The following ARHGEF28 variants were observed in gnomAD, a reference collection of about 807,000 sequenced individuals.
ARHGEF28 encodes the protein Rho guanine nucleotide exchange factor 28, also known as 190 kDa guanine nucleotide exchange factor.
A neutral mutation model predicts 206.6 loss-of-function variants in ARHGEF28; 152 were observed. That is an observed-to-expected ratio of 0.74 (90% CI 0.64 to 0.84). The LOEUF (loss-of-function observed/expected upper bound fraction) is 0.84. Among genes scored for constraint, ARHGEF28 ranks in the 40% least tolerant of loss-of-function variants. The pLI is 0.00. For missense variants in ARHGEF28, 2,028 were observed against 2,073.2 expected, an observed-to-expected ratio of 0.98 and a Z score of 0.42; for synonymous variants, 763 against 776.4, an observed-to-expected ratio of 0.98 and a Z score of 0.29.
At chr5:73,902,327 A>C (rs1762315463) in intron 31 of ARHGEF28, 1 of 152,132 alleles carries the variant, frequency 6.6e-6, no homozygotes, top group South Asian at 2.1e-4. Context: ...TTAAGTGTGA[A>C]GTTTGTGGTG....
Position 73,858,242 on chromosome 5 carries a change from G to T in ARHGEF28, c.2047+23G>T, listed in dbSNP as rs141273307. ...CTAGTAAGTTCTCAGGTCTATGTGC[G>T]CTGTCTTTGTTTTCATCTCCTGACA... On this transcript the variant is annotated intron_variant, in intron 16 of 35. Transcript: ENST00000513042. 596 of 1,546,476 alleles carry T rather than the reference G, an allele frequency of 3.9e-4. 1 individual carries two copies. The African/African-American group carries it at 6.8e-3, about 18-fold the overall frequency.
intron 35 of ARHGEF28, among the ~76,000 whole-genome samples, chr5:73,937,815 A>C (rs556723402): frequency 6.6e-6 from 1 of 152,290 alleles, no homozygotes; most frequent in East Asian, 1.9e-4. Context: ...TAGGGTAAAA[A>C]GTGTGGAAAA....
chr5:73,729,109 G>A (rs765980670), intron 2 of ARHGEF28, among the ~76,000 whole-genome samples: 55 of 152,144 alleles, frequency 3.6e-4, no homozygotes, highest in Non-Finnish European at 5.7e-4. Context: ...TAGCTGCATC[G>A]CTGTGAGGAC....
At chr5:73,772,663 C>T (rs1753292836) in intron 4 of ARHGEF28, among the ~76,000 whole-genome samples, 1 of 152,172 alleles carries the variant, frequency 6.6e-6, no homozygotes, top group Non-Finnish European at 1.5e-5. Flanking sequence ...AAGGCATTAG[C>T]CACCACGCCT....
chr5:73,691,376 G>T (rs1747819119), intron 2 of ARHGEF28, among the ~76,000 whole-genome samples: 1 of 151,886 alleles, frequency 6.6e-6, no homozygotes, highest in South Asian at 2.1e-4. Context: ...TAATGGACAG[G>T]ACCCCATTTC....
chr5:73,928,803 A>C (rs1324628529), intron 35 of ARHGEF28, among the ~76,000 whole-genome samples: 1 of 152,232 alleles, frequency 6.6e-6, no homozygotes, highest in Non-Finnish European at 1.5e-5. Flanking sequence ...TTGCCAAGGT[A>C]CTTAGAAGTC....
intron 34 of ARHGEF28, 43 bp downstream of exon 34, chr5:73,909,940 A>G (rs752279589): frequency 2.0e-6 from 3 of 1,475,384 alleles, no homozygotes; most frequent in East Asian, 2.4e-5. Context: ...TCTCAAAGAC[A>G]GGGGTGGGCC....
At chr5:73,677,512 T>G (rs1156284818) in intron 1 of ARHGEF28, among the ~76,000 whole-genome samples, 1 of 152,242 alleles carries the variant, frequency 6.6e-6, no homozygotes, top group East Asian at 1.9e-4. Flanking sequence ...TGTGAAAAAT[T>G]CAGAATTTCA....
rs76975773 is a variant in ARHGEF28, at chr5:73,863,930, G to A, written c.2048-887G>A. Reference sequence around the variant, plus strand: ...TGCAGCCTGAGGACAGTTGTAGGGCGCAGCTTCCTGCCCAGTTCTTGTTGG... The same window carrying A: ...TGCAGCCTGAGGACAGTTGTAGGGCACAGCTTCCTGCCCAGTTCTTGTTGG... On this transcript the variant is annotated intron_variant, in intron 16 of 35. Transcript: ENST00000513042. Among the ~76,000 whole-genome samples, 10 of 152,166 alleles carry A rather than the reference G, an allele frequency of 6.6e-5. No homozygotes were observed. In the East Asian group the frequency reaches 7.7e-4, roughly 12 times the overall value.
intron 9 of ARHGEF28, among the ~76,000 whole-genome samples, chr5:73,829,216 T>C (rs1757134221): frequency 6.6e-6 from 1 of 152,202 alleles, no homozygotes; most frequent in Admixed American, 6.5e-5. Flanking sequence ...AATCATAGAG[T>C]CATGCAGGTA....
chr5:73,893,399 G>C, intron 28 of ARHGEF28, 111 bp downstream of exon 28: 2 of 750,120 alleles, frequency 2.7e-6, no homozygotes, highest in Middle Eastern at 2.6e-4. Flanking sequence ...CTGTGCACCT[G>C]AGGCCCACCT....
intron 10 of ARHGEF28, among the ~76,000 whole-genome samples, chr5:73,837,399 A>T (rs550601981): frequency 2.0e-5 from 3 of 152,088 alleles, no homozygotes; most frequent in Non-Finnish European, 4.4e-5. Context: ...TATAGTTTTC[A>T]GTGCATATAT....
chr5:73,790,332 T>G (rs1754404547), intron 7 of ARHGEF28, among the ~76,000 whole-genome samples: 1 of 151,964 alleles, frequency 6.6e-6, no homozygotes, highest in Non-Finnish European at 1.5e-5. Flanking sequence ...TACTTTTGTC[T>G]TTAAAAAAAG....
intron 1 of ARHGEF28, among the ~76,000 whole-genome samples, chr5:73,667,541 G>T (rs1441647514): frequency 6.6e-6 from 1 of 152,138 alleles, no homozygotes; most frequent in East Asian, 1.9e-4. Flanking sequence ...TGCCATCAGG[G>T]TCATTCTCCC....
At chr5:73,732,480 T>G (rs1028815551) in intron 2 of ARHGEF28, among the ~76,000 whole-genome samples, 5 of 152,218 alleles carry the variant, frequency 3.3e-5, no homozygotes, top group African/African-American at 1.2e-4. Flanking sequence ...ATTTGCCTAC[T>G]GAAAGACATC....
intron 9 of ARHGEF28, among the ~76,000 whole-genome samples, chr5:73,808,108 T>C (rs1312692670): frequency 1.3e-5 from 2 of 152,196 alleles, no homozygotes; most frequent in Non-Finnish European, 2.9e-5. Context: ...AATTCAAACA[T>C]TTTGTTTTAA....
chr5:73,768,256 G>A (rs1012823495), intron 4 of ARHGEF28, among the ~76,000 whole-genome samples: 5 of 151,992 alleles, frequency 3.3e-5, no homozygotes, highest in Non-Finnish European at 7.3e-5. Flanking sequence ...GTGGAGCTGT[G>A]AGAAGAGGGC....
At chr5:73,867,075 T>G (rs983282998) in intron 18 of ARHGEF28, among the ~76,000 whole-genome samples, 5 of 152,196 alleles carry the variant, frequency 3.3e-5, no homozygotes, top group Non-Finnish European at 7.3e-5. Flanking sequence ...CTCATTTTCA[T>G]AGGGTTAAAT....
Position 73,882,585 on chromosome 5 carries a change from T to C in ARHGEF28, c.2928T>C (p.Asn976=), listed in dbSNP as rs1232369977. The change falls in exon 23 of 36, where the codon AAT becomes AAC. Residue 976 remains asparagine, a synonymous_variant. Transcript: ENST00000513042. ...KELQQNKKFQ[N]FIKLRNSNLL... Reference sequence around the variant, plus strand: ...TCCAGCAGAATAAAAAGTTTCAGAATTTTATTAAGGCAAGTATTTTAAAAC... The same window carrying C: ...TCCAGCAGAATAAAAAGTTTCAGAACTTTATTAAGGCAAGTATTTTAAAAC... 2 of 1,491,394 alleles carry C rather than the reference T, an allele frequency of 1.3e-6. No individual in the cohort carries two copies. The highest frequency in any genetic ancestry group is 1.4e-5 in the African/African-American group (1 of 69,880). 92.4% of individuals were successfully genotyped at this position (1,491,394 alleles called of 1,614,324 possible).
Sources: gnomAD v4.1 joint callset for allele counts (sites outside exome capture counted in the v4.1 genomes callset) on GRCh38, gnomAD v4.1.1 for gene constraint, MANE v1.5 for transcripts, NCBI Gene and HGNC (gene_info 2026-07-23, HGNC 2026-07-21) for gene names.